The following SH3KBP1 variants were observed in gnomAD, a reference collection of about 807,000 sequenced individuals.
SH3KBP1 encodes SH3 domain-containing kinase-binding protein 1.
In SH3KBP1, 8 loss-of-function variants were observed where a neutral mutation model predicts 50.1. The observed-to-expected ratio is 0.16, with a 90% CI of 0.09 to 0.29. The LOEUF (loss-of-function observed/expected upper bound fraction) is 0.29, where lower values mean the gene tolerates loss of function less well. Among genes scored for constraint, SH3KBP1 ranks in the 10% least tolerant of loss-of-function variants. The pLI is 1.00. For synonymous variants in SH3KBP1, 227 were observed against 218.6 expected, an observed-to-expected ratio of 1.04 and a Z score of -0.34; for missense variants, 377 against 535.2, an observed-to-expected ratio of 0.70 and a Z score of 2.92.
intron 1 of SH3KBP1, among the ~76,000 whole-genome samples, chrX:19,878,472 T>TTG (rs56786885): frequency 0.011 from 779 of 73,005 alleles, 7 homozygotes; most frequent in Middle Eastern, 0.031. Context: ...CCTGGCTAAT[T>TTG]TGTGTGTGTG....
chrX:19,689,101 C>T lies in SH3KBP1; in HGVS notation c.521-5073G>A, dbSNP rs1421008498. ...CCTTTTGAAATGTGCCCTTTTTGAC[C>T]GATGCATTCTATCCAATTAAAGCAA... On this transcript the variant is annotated intron_variant, in intron 5 of 17. Transcript: ENST00000397821. 2.7e-5 allele frequency among the ~76,000 whole-genome samples: 3 copies of T among 112,040 alleles called. No homozygotes were observed. In the East Asian group the frequency reaches 8.3e-4, roughly 31 times the overall value.
intron 6 of SH3KBP1, among the ~76,000 whole-genome samples, chrX:19,648,380 C>A (rs770545082): frequency 2.7e-3 from 222 of 80,968 alleles, no homozygotes; most frequent in Non-Finnish European, 4.2e-3. Flanking sequence ...GGAAGGAGGG[C>A]AAGAGGGAGG....
At position 19,556,318 on chromosome X, in the gene SH3KBP1, G is replaced by A. The variant is rs1248495084; in HGVS notation, c.1385-6235C>T. ...TTTTTTTTTTTCCAAGGTCTAAGATGAGAAAACTCTAAACCCACAGGGCCG... is the reference window on the plus strand; with the variant it reads ...TTTTTTTTTTTCCAAGGTCTAAGATAAGAAAACTCTAAACCCACAGGGCCG... On this transcript the variant is annotated intron_variant, in intron 13 of 17. Transcript: ENST00000397821. Among the ~76,000 whole-genome samples, 3 of 107,527 alleles carry A rather than the reference G, an allele frequency of 2.8e-5. No homozygotes were observed. In the Admixed American group the frequency reaches 3.0e-4, roughly 11 times the overall value. The allele number at this position is 107,527 out of a possible 115,157, so 93.4% of individuals were successfully genotyped here. A position where few individuals can be genotyped will look rare whatever the true frequency, so the allele number is the denominator to read the frequency against.
intron 8 of SH3KBP1, among the ~76,000 whole-genome samples, chrX:19,611,895 T>C (rs1401197319): frequency 1.1e-5 from 1 of 93,373 alleles, no homozygotes; most frequent in Non-Finnish European, 2.0e-5. Context: ...GGTCCATGGA[T>C]GAGATAAGTA....
chrX:19,699,293 T>C (rs1040129794), intron 4 of SH3KBP1, among the ~76,000 whole-genome samples: 9 of 112,691 alleles, frequency 8.0e-5, no homozygotes, highest in Non-Finnish European at 1.3e-4. Flanking sequence ...GAAATGCGTC[T>C]CTTTGTAACA....
chrX:19,825,069 C>T (rs1312569743), intron 2 of SH3KBP1, among the ~76,000 whole-genome samples: 2 of 112,047 alleles, frequency 1.8e-5, no homozygotes, highest in Non-Finnish European at 3.8e-5. Flanking sequence ...ATTGGATAGT[C>T]ACACATCTTG....
intron 6 of SH3KBP1, among the ~76,000 whole-genome samples, chrX:19,674,934 C>T (rs2062890601): frequency 9.1e-6 from 1 of 109,923 alleles, no homozygotes; most frequent in African/African-American, 3.3e-5. Context: ...CAAAAATCAG[C>T]CGGGCGTGGT....
chrX:19,666,158 C>G (rs1342718180), intron 6 of SH3KBP1, among the ~76,000 whole-genome samples: 1 of 109,542 alleles, frequency 9.1e-6, no homozygotes, highest in Non-Finnish European at 1.9e-5. Context: ...TTTTCTACCC[C>G]TAAGGAATTC....
intron 6 of SH3KBP1, among the ~76,000 whole-genome samples, chrX:19,647,759 G>A (rs1336275643): frequency 1.8e-5 from 2 of 111,097 alleles, no homozygotes; most frequent in African/African-American, 6.6e-5. Flanking sequence ...TTGTCTCTAG[G>A]ACCCAGACCT....
intron 13 of SH3KBP1, among the ~76,000 whole-genome samples, chrX:19,550,648 T>C (rs991477304): frequency 1.7e-4 from 19 of 111,195 alleles, no homozygotes; most frequent in Admixed American, 4.8e-4. Flanking sequence ...TCTCTCTCTG[T>C]CCAGAGAGAG....
rs376960635 is a variant in SH3KBP1 at position 19,542,098 on chromosome X, G to A, written c.1719C>T (p.Pro573=). ...PAPLSSAAPS[P]LSSSLGTAGH... is the part of the protein sequence containing the mutation. ...CAGCTGTTCCCAAAGAGGATGACAG[G>A]GGGGAGGGCGCCGCTGAGGACAGAG... Residue 573 remains proline, a synonymous_variant, in exon 16 of 18, where the codon CCC becomes CCT. Coordinates refer to ENST00000397821, the MANE Select transcript of SH3KBP1 (RefSeq NM_031892.3). 17 of 1,209,788 alleles carry A rather than the reference G, an allele frequency of 1.4e-5. No individual in the cohort carries two copies. The highest frequency in any genetic ancestry group is 1.7e-5 in the African/African-American group (1 of 57,248).
intron 12 of SH3KBP1, among the ~76,000 whole-genome samples, chrX:19,573,225 G>GT (rs1490636609): frequency 8.9e-6 from 1 of 112,079 alleles, no homozygotes; most frequent in Non-Finnish European, 1.9e-5. Flanking sequence ...AGTCCAAAAT[G>GT]TTAATAGTAG....
chrX:19,870,761 C>T (rs2069020424), intron 1 of SH3KBP1, among the ~76,000 whole-genome samples: 2 of 111,386 alleles, frequency 1.8e-5, no homozygotes, highest in South Asian at 7.6e-4. Flanking sequence ...TCAGAGAGAA[C>T]TGTGTGAAGG....
intron 7 of SH3KBP1, among the ~76,000 whole-genome samples, chrX:19,636,452 C>G (rs1482475871): frequency 1.8e-5 from 2 of 111,095 alleles, no homozygotes; most frequent in African/African-American, 6.5e-5. Context: ...GTTCCCACAT[C>G]AAGAGCCCCA....
chrX:19,847,452 A>C (rs772249491), intron 1 of SH3KBP1, among the ~76,000 whole-genome samples: 1 of 85,847 alleles, frequency 1.2e-5, no homozygotes, highest in East Asian at 2.8e-4. Context: ...TTTGACAAGA[A>C]GCTGAGAATC....
Position 19,887,208 on chromosome X carries a change from C to T in SH3KBP1, c.4+99G>A, listed in dbSNP as rs935986289. On this transcript the variant is annotated intron_variant, in intron 1 of 17. Coordinates refer to ENST00000397821, the MANE Select transcript of SH3KBP1 (RefSeq NM_031892.3). ...CCACCGCGGTGTCCCCCGTCCGGACCCTGCCCCCGGGGCGCCCTCCCGGGC... is the reference window on the plus strand; with the variant it reads ...CCACCGCGGTGTCCCCCGTCCGGACTCTGCCCCCGGGGCGCCCTCCCGGGC... The T allele has an allele frequency of 7.8e-6, 6 of 766,531 alleles. No individual in the cohort carries two copies. In the African/African-American group the frequency reaches 1.1e-4, roughly 14 times the overall value. The allele number at this position is 766,531 out of a possible 1,213,427, so 63.2% of individuals were successfully genotyped here. A position where few individuals can be genotyped will look rare whatever the true frequency, so the allele number is the denominator to read the frequency against.
chrX:19,658,967 T>C (rs1361282912), intron 6 of SH3KBP1, among the ~76,000 whole-genome samples: 4 of 108,532 alleles, frequency 3.7e-5, no homozygotes, highest in Non-Finnish European at 7.7e-5. Context: ...ACACTTTTTT[T>C]TTTTAGGAGA....
intron 6 of SH3KBP1, among the ~76,000 whole-genome samples, chrX:19,663,824 G>A (rs1453910267): frequency 8.9e-6 from 1 of 111,985 alleles, no homozygotes; most frequent in African/African-American, 3.2e-5. Flanking sequence ...AGTGGCTCAC[G>A]CCTGTAATCC....
intron 1 of SH3KBP1, among the ~76,000 whole-genome samples, chrX:19,878,505 T>TGAGAGAGAGA (rs57445899): frequency 2.1e-5 from 1 of 48,214 alleles, no homozygotes; most frequent in African/African-American, 6.0e-5. Context: ...TGTGTGTGTG[T>TGAGAGAGAGA]GAGAGAGAGA....
Sources: allele counts gnomAD v4.1 joint callset (sites outside exome capture counted in the v4.1 genomes callset), GRCh38; gene constraint gnomAD v4.1.1; transcripts MANE v1.5; gene names NCBI Gene and HGNC (gene_info 2026-07-23, HGNC 2026-07-21).